Variants in TSPAN15 observed in about 807,000 individuals in gnomAD.
TSPAN15 encodes tetraspanin-15.
In TSPAN15, 20 loss-of-function variants were observed where a neutral mutation model predicts 34.5. The observed-to-expected ratio is 0.58, with a 90% CI of 0.41 to 0.84. The LOEUF (loss-of-function observed/expected upper bound fraction) is 0.84, where lower values mean the gene tolerates loss of function less well. Among genes scored for constraint, TSPAN15 ranks in the 40% least tolerant of loss-of-function variants. The pLI is 0.00. For synonymous variants in TSPAN15, 155 were observed against 153.9 expected (o/e 1.01, Z -0.05); for missense variants, 313 against 386.1 (o/e 0.81, Z 1.59).
chr10:69,491,669 C>T (rs1244804365), intron 3 of TSPAN15, among the ~76,000 whole-genome samples: 1 of 152,196 alleles, frequency 6.6e-6, no homozygotes, highest in Non-Finnish European at 1.5e-5. Flanking sequence ...AGCTTCTCCT[C>T]CAAGTTTGAG....
chr10:69,541,383 A>T, the TSPAN15 span, among the ~76,000 whole-genome samples: 14 of 99,124 alleles, frequency 1.4e-4, no homozygotes, highest in Non-Finnish European at 4.6e-5. Flanking sequence ...ACATACAGGC[A>T]TTTGGTACAG....
chr10:69,486,114 C>T (rs138602043), intron 3 of TSPAN15, among the ~76,000 whole-genome samples: 5 of 152,236 alleles, frequency 3.3e-5, no homozygotes, highest in African/African-American at 1.2e-4. Context: ...GCTCACAGAT[C>T]TGATGAGAGA....
Position 69,507,575 on chromosome 10 carries a change from T to A in TSPAN15, c.*597T>A. On this transcript the variant is annotated 3_prime_UTR_variant, in exon 8 of 8. Coordinates refer to ENST00000373290, the MANE Select transcript of TSPAN15 (RefSeq NM_012339.5). ...ACAGATAACAGGAGTTTCTGACTAATCAAAGCTGGTATTTCCCCGCATGTC... is the reference window on the plus strand; with the variant it reads ...ACAGATAACAGGAGTTTCTGACTAAACAAAGCTGGTATTTCCCCGCATGTC... 7.7e-7 allele frequency: 1 copy of A among 1,304,024 alleles called. No individual in the cohort carries two copies. The highest frequency in any genetic ancestry group is 1.2e-5 in the South Asian group (1 of 81,018). The allele number at this position is 1,304,024 out of a possible 1,614,324, so 80.8% of individuals were successfully genotyped here. A position where few individuals can be genotyped will look rare whatever the true frequency, so the allele number is the denominator to read the frequency against.
the TSPAN15 span, among the ~76,000 whole-genome samples, chr10:69,547,031 T>C: frequency 6.6e-6 from 1 of 151,708 alleles, no homozygotes; most frequent in African/African-American, 2.4e-5. Context: ...TTAATTAAAA[T>C]ACAAAATTAA....
chr10:69,540,296 G>A, the TSPAN15 span, among the ~76,000 whole-genome samples: 1 of 152,212 alleles, frequency 6.6e-6, no homozygotes, highest in South Asian at 2.1e-4. Flanking sequence ...TCAGGAGGCT[G>A]AGGCAGGAGA....
chr10:69,466,845 G>A (rs1841394332), intron 1 of TSPAN15, among the ~76,000 whole-genome samples: 1 of 152,166 alleles, frequency 6.6e-6, no homozygotes, highest in Non-Finnish European at 1.5e-5. Flanking sequence ...ACCACCTCAG[G>A]GTCTCCTTCG....
the TSPAN15 span, among the ~76,000 whole-genome samples, chr10:69,545,942 T>A: frequency 6.6e-5 from 10 of 151,866 alleles, 1 homozygote; most frequent in Admixed American, 2.6e-4. Context: ...GGTGACAGAG[T>A]GAGACTCTGT....
chr10:69,510,369 G>C (rs1280209325), downstream of TSPAN15, among the ~76,000 whole-genome samples: 2 of 152,104 alleles, frequency 1.3e-5, no homozygotes, highest in Non-Finnish European at 2.9e-5. Flanking sequence ...CTCATGAATT[G>C]GTTCTCTGTC....
rs558022877 is a variant in TSPAN15 at position 69,494,248 on chromosome 10, G to T, written c.358-1346G>T. 2.0e-5 allele frequency among the ~76,000 whole-genome samples: 3 copies of T among 152,310 alleles called. No individual in the cohort carries two copies. The East Asian group carries it at 5.8e-4, about 29-fold the overall frequency. ...TTTTTGAACAAGAGTTGGGGCCTCG[G>T]TTTCCCACGGGATTTGTTTTCCACC... On this transcript the variant is annotated intron_variant, in intron 3 of 7. Coordinates refer to ENST00000373290, the MANE Select transcript of TSPAN15 (RefSeq NM_012339.5).
intron 3 of TSPAN15, chr10:69,494,981 C>A: frequency 4.7e-6 from 3 of 642,276 alleles, no homozygotes; most frequent in Non-Finnish European, 5.8e-6. Flanking sequence ...ATTGTCCCAG[C>A]CCTAGCCGAG....
chr10:69,539,552 A>G, the TSPAN15 span, among the ~76,000 whole-genome samples: 2 of 100,082 alleles, frequency 2.0e-5, no homozygotes, highest in African/African-American at 8.0e-5. Context: ...AAGGAGAAGG[A>G]GAAGGAGAAG....
the TSPAN15 span, among the ~76,000 whole-genome samples, chr10:69,525,187 G>A: frequency 2.8e-4 from 41 of 147,372 alleles, 2 homozygotes; most frequent in African/African-American, 1.0e-3. Context: ...CAAAGTGCTG[G>A]GATTACAGGC....
the TSPAN15 span, among the ~76,000 whole-genome samples, chr10:69,519,280 C>T: frequency 5.3e-5 from 8 of 151,926 alleles, no homozygotes; most frequent in South Asian, 2.1e-4. Context: ...ACTATCTGGC[C>T]GTGGTGGGGT....
intron 1 of TSPAN15, among the ~76,000 whole-genome samples, chr10:69,465,218 C>T (rs927512073): frequency 1.7e-4 from 20 of 115,378 alleles, no homozygotes; most frequent in African/African-American, 4.7e-4. Flanking sequence ...CTCTGGGCTT[C>T]CCCTGGGGGT....
rs1203715500 is a variant in TSPAN15, at chr10:69,506,288, A to G, written c.735+48A>G. On this transcript the variant is annotated intron_variant, in intron 7 of 7. Coordinates refer to ENST00000373290, the MANE Select transcript of TSPAN15 (RefSeq NM_012339.5). The surrounding 1 kb of genome is among the most constrained non-coding windows in gnomAD (Gnocchi z 4.7). ...GAAAGTGTGACTTGGTGATTGCAGA[A>G]GGGCAGAGAAGGTGCAGAGGGGAAG... is the stretch of plus-strand genomic sequence containing the variant. 1 of 1,558,324 alleles carries G rather than the reference A, an allele frequency of 6.4e-7. No homozygotes were observed. Among genetic ancestry groups the G allele is most frequent in the Admixed American group, 1.7e-5 (1 of 59,812 alleles).
At chr10:69,521,507 C>T in the TSPAN15 span, among the ~76,000 whole-genome samples, 2,033 of 147,490 alleles carry the variant, frequency 0.014, 159 homozygotes, top group African/African-American at 0.048. Flanking sequence ...ATTAGCCAGG[C>T]GTGGTTGCAG....
chr10:69,465,845 G>A (rs1841372740), intron 1 of TSPAN15, among the ~76,000 whole-genome samples: 2 of 134,738 alleles, frequency 1.5e-5, no homozygotes, highest in African/African-American at 2.6e-5. Flanking sequence ...TAGGCATGAG[G>A]GCATCTCTGA....
chr10:69,467,416 A>AGC, intron 1 of TSPAN15, among the ~76,000 whole-genome samples: 1 of 152,134 alleles, frequency 6.6e-6, no homozygotes, highest in African/African-American at 2.4e-5. Flanking sequence ...TCTGGTCTGA[A>AGC]GCTTTAGGCA....
intron 1 of TSPAN15, among the ~76,000 whole-genome samples, chr10:69,453,555 C>T (rs1205591098): frequency 6.6e-6 from 1 of 152,150 alleles, no homozygotes; most frequent in African/African-American, 2.4e-5. Flanking sequence ...ACAAACCAGT[C>T]TCTCTACCTC....
Sources: allele counts gnomAD v4.1 joint callset (sites outside exome capture counted in the v4.1 genomes callset), GRCh38; gene constraint gnomAD v4.1.1; non-coding constraint Gnocchi (gnomAD v3.1); transcripts MANE v1.5; gene names NCBI Gene and HGNC (gene_info 2026-07-23, HGNC 2026-07-21).